EPB41L1: variants seen among roughly 807,000 people sequenced by gnomAD.
EPB41L1 encodes band 4.1-like protein 1.
EPB41L1 carries 29 observed loss-of-function variants against 97.8 expected under a neutral mutation model. The ratio of observed to expected loss-of-function variants is 0.30; its 90% CI spans 0.22 to 0.40. EPB41L1 has a LOEUF of 0.40. Ranked by LOEUF, EPB41L1 falls within the 10% of genes least tolerant of loss-of-function variation. EPB41L1 has a pLI of 1.00. For synonymous variants in EPB41L1, 383 were observed against 459.2 expected, an observed-to-expected ratio of 0.83 and a Z score of 2.12; for missense variants, 812 against 1,162.3, an observed-to-expected ratio of 0.70 and a Z score of 4.38.
At chr20:36,119,368 T>C (rs1426695117) in intron 2 of EPB41L1, among the ~76,000 whole-genome samples, 1 of 152,122 alleles carries the variant, frequency 6.6e-6, no homozygotes, top group Non-Finnish European at 1.5e-5. Flanking sequence ...TTTGGGAGGC[T>C]GAGGTGGGCA....
intron 1 of EPB41L1, among the ~76,000 whole-genome samples, chr20:36,108,213 C>T (rs2058264686): frequency 1.3e-5 from 2 of 152,110 alleles, no homozygotes; most frequent in South Asian, 4.1e-4. Flanking sequence ...CTCCTGGTTT[C>T]AAGAGGTCCT....
chr20:36,152,148 A>C (rs1304855563), upstream of EPB41L1: 1 of 152,252 alleles, frequency 6.6e-6, no homozygotes, highest in East Asian at 1.9e-4. Flanking sequence ...ATTATCTCAC[A>C]AGATGCTGTG....
At chr20:36,140,610 G>A (rs919605065) in intron 2 of EPB41L1, among the ~76,000 whole-genome samples, 2 of 152,110 alleles carry the variant, frequency 1.3e-5, no homozygotes, top group South Asian at 2.1e-4. Flanking sequence ...GGAAGAATCC[G>A]TGTATTTCAG....
intron 1 of EPB41L1, among the ~76,000 whole-genome samples, chr20:36,159,530 G>A (rs1054635637): frequency 2.6e-5 from 4 of 152,148 alleles, no homozygotes; most frequent in African/African-American, 7.2e-5. Flanking sequence ...AGAGAATGAC[G>A]CTAGACTCCA....
At chr20:36,101,920 G>A (rs1259594850) in intron 1 of EPB41L1, among the ~76,000 whole-genome samples, 4 of 152,016 alleles carry the variant, frequency 2.6e-5, no homozygotes, top group Non-Finnish European at 5.9e-5. Context: ...CAGGAGAATC[G>A]CTTGAACCTG....
In EPB41L1 at chr20:36,214,451, C is replaced by G; in HGVS notation, c.2268+11C>G. Reference sequence around the variant, plus strand: ...ATATCGACCACCATGGTAAGTTGAACCCAGGAGGCTTCCCTCTCTGACCAG... The same window carrying G: ...ATATCGACCACCATGGTAAGTTGAAGCCAGGAGGCTTCCCTCTCTGACCAG... On this transcript the variant is annotated intron_variant, in intron 17 of 21. Coordinates refer to ENST00000338074, the MANE Select transcript of EPB41L1 (RefSeq NM_012156.2). 1 of 1,609,338 alleles carries G rather than the reference C, an allele frequency of 6.2e-7. No individual in the cohort carries two copies. The highest frequency in any genetic ancestry group is 2.2e-5 in the East Asian group (1 of 44,776).
intron 2 of EPB41L1, among the ~76,000 whole-genome samples, chr20:36,128,834 G>GC (rs11377767): frequency 1 from 152,241 of 152,242 alleles, 76,120 homozygotes; most frequent in Non-Finnish European, 1. Flanking sequence ...AGAGGCAGCA[G>GC]CCAGACCTGG....
chr20:36,194,135 G>A lies in EPB41L1; in HGVS notation c.1301-77G>A, dbSNP rs2425186. ...TTGGCTCCACTCCAGGCGTGGTTGG[G>A]CAGGGCTGGGCTGGTTCTCTGTCTG... On this transcript the variant is annotated intron_variant, in intron 11 of 21. Transcript: ENST00000338074. The A allele has an allele frequency of 2.4e-3, 3,781 of 1,597,548 alleles. 82 individuals are homozygous for A. In the East Asian group the frequency reaches 0.051, roughly 22 times the overall value.
At chr20:36,174,098 T>A in intron 2 of EPB41L1, 144 bp downstream of exon 2, 1 of 922,616 alleles carries the variant, frequency 1.1e-6, no homozygotes, top group Non-Finnish European at 1.7e-6. Flanking sequence ...AGCACTGTGC[T>A]GGGAGCATTG....
At chr20:36,134,224 A>T (rs1381185890) in intron 2 of EPB41L1, among the ~76,000 whole-genome samples, 1 of 152,226 alleles carries the variant, frequency 6.6e-6, no homozygotes, top group African/African-American at 2.4e-5. Flanking sequence ...AACTTCAAAT[A>T]TGTAAACTTA....
intron 2 of EPB41L1, among the ~76,000 whole-genome samples, chr20:36,139,432 T>A (rs1283806024): frequency 6.6e-6 from 1 of 152,186 alleles, no homozygotes; most frequent in Non-Finnish European, 1.5e-5. Flanking sequence ...TTAAAAAAAA[T>A]TTTTTTGTTA....
chr20:36,119,635 C>CGGAGGGGAGAGGAGGGGAGG (rs1267502236), intron 2 of EPB41L1, among the ~76,000 whole-genome samples: 1 of 58,756 alleles, frequency 1.7e-5, no homozygotes, highest in Admixed American at 2.7e-4. Context: ...GGAAGGGAAG[C>CGGAGGGGAGAGGAGGGGAGG]GGAGGGGAGA....
intron 2 of EPB41L1, among the ~76,000 whole-genome samples, chr20:36,112,654 TC>T (rs35379377): frequency 6.6e-6 from 1 of 152,200 alleles, no homozygotes; most frequent in Non-Finnish European, 1.5e-5. Flanking sequence ...CTGGGGACCC[TC>T]CCTGGTTTTG....
At position 36,207,144 on chromosome 20, in the gene EPB41L1, C is replaced by A. The variant is rs368491849; in HGVS notation, c.1669-2344C>A. ...CAGCTCTGGAGGAAGCTTCTCCAAGCCCAACCTCCCATGGGTCAGGGGAGC... is the reference window on the plus strand; with the variant it reads ...CAGCTCTGGAGGAAGCTTCTCCAAGACCAACCTCCCATGGGTCAGGGGAGC... On this transcript the variant is annotated intron_variant, in intron 14 of 21. Coordinates refer to ENST00000338074, the MANE Select transcript of EPB41L1 (RefSeq NM_012156.2). This position sits in a 1 kb window ranked among gnomAD's most constrained non-coding sequence, Gnocchi z 4.9. 6 of 1,289,538 alleles carry A rather than the reference C, an allele frequency of 4.7e-6. No homozygotes were observed. Among genetic ancestry groups the A allele is most frequent in the Non-Finnish European group, 5.1e-6 (5 of 988,642 alleles). The allele number at this position is 1,289,538 out of a possible 1,614,324, so 79.9% of individuals were successfully genotyped here.
At chr20:36,184,390 T>C (rs982672406) in intron 6 of EPB41L1, among the ~76,000 whole-genome samples, 4 of 152,188 alleles carry the variant, frequency 2.6e-5, no homozygotes, top group Admixed American at 6.5e-5. Context: ...GGTTCTAAAA[T>C]TGTAAAATCG....
chr20:36,172,738 T>C (rs1010604782), intron 1 of EPB41L1, among the ~76,000 whole-genome samples: 4 of 152,090 alleles, frequency 2.6e-5, no homozygotes, highest in Non-Finnish European at 5.9e-5. Flanking sequence ...GTAGCTGGGA[T>C]TACAGAAGTG....
At position 36,190,516 on chromosome 20, in the gene EPB41L1, T is replaced by G; in HGVS notation, c.1125-106T>G. ...CCTCCCTTCCTGGACCACTTTGAAT[T>G]GTTGTAGTTGGTGGAGTAGTGGGAT... On this transcript the variant is annotated intron_variant, in intron 10 of 21. Coordinates refer to ENST00000338074, the MANE Select transcript of EPB41L1 (RefSeq NM_012156.2). This position sits in a 1 kb window ranked among gnomAD's most constrained non-coding sequence, Gnocchi z 5.8. 8 of 1,554,606 alleles carry G rather than the reference T, an allele frequency of 5.1e-6. No homozygotes were observed. The highest frequency in any genetic ancestry group is 7.1e-6 in the Non-Finnish European group (8 of 1,133,628).
At chr20:36,119,938 G>C (rs1453200261) in intron 2 of EPB41L1, among the ~76,000 whole-genome samples, 1 of 152,036 alleles carries the variant, frequency 6.6e-6, no homozygotes, top group Non-Finnish European at 1.5e-5. Context: ...CTGGTCACAC[G>C]GTGAGCCTGA....
chr20:36,131,018 C>A (rs2059183898), intron 2 of EPB41L1, among the ~76,000 whole-genome samples: 1 of 151,048 alleles, frequency 6.6e-6, no homozygotes, highest in Admixed American at 6.6e-5. Flanking sequence ...TCTTGTTGCC[C>A]AGGCTGGAGT....
Sources: allele counts gnomAD v4.1 joint callset (sites outside exome capture counted in the v4.1 genomes callset), GRCh38; gene constraint gnomAD v4.1.1; non-coding constraint Gnocchi (gnomAD v3.1); transcripts MANE v1.5; gene names NCBI Gene and HGNC (gene_info 2026-07-23, HGNC 2026-07-21).